The following MROH9 variants were observed in gnomAD, a reference collection of about 807,000 sequenced individuals.
MROH9 encodes the protein maestro heat-like repeat-containing protein family member 9.
Under a neutral mutation model 98.2 loss-of-function variants are expected in MROH9, and 92 were observed. The observed-to-expected ratio is 0.94, with a 90% CI of 0.79 to 1.11. MROH9 has a LOEUF of 1.11. MROH9 is among the 50% of genes most tolerant of loss of function. The pLI is 0.00. For missense variants in MROH9, 1,057 were observed against 1,014.8 expected, an observed-to-expected ratio of 1.04 and a Z score of -0.57; for synonymous variants, 397 against 368.9, an observed-to-expected ratio of 1.08 and a Z score of -0.87.
intron 15 of MROH9, chr1:170,998,683 A>C (rs28496733): frequency 0.12 from 127,119 of 1,084,590 alleles, 7,932 homozygotes; most frequent in African/African-American, 0.21. Context: ...AACTGGGTAA[A>C]ATGAAGATGT....
chr1:171,045,921 G>A (rs1334157986), intron 20 of MROH9, among the ~76,000 whole-genome samples: 2 of 152,050 alleles, frequency 1.3e-5, no homozygotes, highest in African/African-American at 2.4e-5. Context: ...TTATATTGAA[G>A]CCCATCTCTC....
intron 3 of MROH9, among the ~76,000 whole-genome samples, chr1:170,953,755 A>AAGAAAG (rs374788693): frequency 6.9e-6 from 1 of 144,992 alleles, no homozygotes; most frequent in Non-Finnish European, 1.5e-5. Context: ...AAGAAAAGAA[A>AAGAAAG]AGAAAGAGAA....
At chr1:171,022,676 T>A (rs1488471776) in intron 17 of MROH9, among the ~76,000 whole-genome samples, 2 of 151,854 alleles carry the variant, frequency 1.3e-5, no homozygotes, top group East Asian at 3.9e-4. Context: ...GATGATGGGG[T>A]GATAGGTGCA....
intron 3 of MROH9, among the ~76,000 whole-genome samples, chr1:170,951,293 G>A (rs1406211117): frequency 6.6e-6 from 1 of 152,074 alleles, no homozygotes. Context: ...GTCTCTACAG[G>A]AATAATAGGA....
At chr1:170,947,471 A>G in intron 2 of MROH9, 56 bp from the exon 3 acceptor site, 1 of 1,478,102 alleles carries the variant, frequency 6.8e-7, no homozygotes, top group Admixed American at 1.8e-5. Flanking sequence ...GGCCCCACTA[A>G]GATGATAGGA....
chr1:170,997,531 C>T lies in MROH9; in HGVS notation c.1476-623C>T, dbSNP rs919046461. The stretch of plus-strand genomic sequence containing the variant: ...ATATCCCAAGGGTGATCTGTTTGCA[C>T]GTTGCAGTTTGAGAAGCACTGGTTT... On this transcript the variant is annotated intron_variant, in intron 14 of 21. Transcript: ENST00000367759. Among the ~76,000 whole-genome samples the T allele has an allele frequency of 3.3e-5, 5 of 152,064 alleles. 1 individual carries two copies. The highest frequency in any genetic ancestry group is 7.4e-5 in the Non-Finnish European group (5 of 67,998).
chr1:171,014,139 A>G lies in MROH9; in HGVS notation c.1619A>G (p.Asp540Gly), dbSNP rs1397748001. Reference protein sequence around the residue: ...LTELLNNFFKDPLPEEFLVLF... With the variant: ...LTELLNNFFKGPLPEEFLVLF... ...CAGCTTCTGAATAACTTCTTCAAGG[A>G]CCCTTTACCAGAAGAATTTTTGGTC... The change falls in exon 16 of 22, where the codon GAC becomes GGC. Residue 540 changes from aspartate to glycine, a missense_variant. Physicochemically the swap from Asp to Gly is moderately conservative, Grantham distance 94. Transcript: ENST00000367759. 1.9e-5 allele frequency: 30 copies of G among 1,550,692 alleles called. No individual in the cohort carries two copies. The highest frequency in any genetic ancestry group is 2.5e-5 in the Non-Finnish European group (29 of 1,146,624).
intron 3 of MROH9, among the ~76,000 whole-genome samples, chr1:170,949,148 A>C (rs1287143036): frequency 6.6e-6 from 1 of 152,044 alleles, no homozygotes; most frequent in Non-Finnish European, 1.5e-5. Flanking sequence ...CATGTCAACT[A>C]GTCATTAGAT....
At position 171,064,134 on chromosome 1, in the gene MROH9, A is replaced by T; in HGVS notation, c.2380A>T (p.Ile794Phe). 3 of 1,550,468 alleles carry T rather than the reference A, an allele frequency of 1.9e-6. No homozygotes were observed. The highest frequency in any genetic ancestry group is 2.6e-6 in the Non-Finnish European group (3 of 1,146,756). The part of the protein sequence containing the change: ...ERLLRDEDPM[I>F]KQLAEITYDI... The stretch of plus-strand genomic sequence containing the variant: ...ACTGCTCCGAGATGAAGACCCTATG[A>T]TCAAACAGTTGGCTGAAATAACCTA... Residue 794 changes from isoleucine to phenylalanine, a missense_variant, in exon 22 of 22, where the codon ATC becomes TTC. Physicochemically the swap from Ile to Phe is conservative, Grantham distance 21 (BLOSUM62 0). Coordinates refer to ENST00000367759, the MANE Select transcript of MROH9 (RefSeq NM_001163629.2).
At chr1:170,956,556 T>C (rs1204433783) in intron 3 of MROH9, among the ~76,000 whole-genome samples, 1 of 151,482 alleles carries the variant, frequency 6.6e-6, no homozygotes, top group Non-Finnish European at 1.5e-5. Context: ...TATTCCTAAG[T>C]TGTTGTTGGT....
intron 20 of MROH9, among the ~76,000 whole-genome samples, chr1:171,058,358 A>G (rs1653913106): frequency 6.6e-6 from 1 of 152,088 alleles, no homozygotes; most frequent in Non-Finnish European, 1.5e-5. Context: ...AAAAAAAAAA[A>G]AAAGGAAAAA....
intron 1 of MROH9, among the ~76,000 whole-genome samples, chr1:170,942,014 C>A (rs1008328696): frequency 6.6e-6 from 1 of 152,122 alleles, no homozygotes; most frequent in Non-Finnish European, 1.5e-5. Flanking sequence ...CTGAGCTGCA[C>A]CATTAAATGC....
chr1:170,983,609 A>G, intron 9 of MROH9, 75 bp downstream of exon 9: 1 of 871,128 alleles, frequency 1.1e-6, no homozygotes, highest in Non-Finnish European at 1.8e-6. Context: ...TTATTTCAAC[A>G]AAGTTTATGT....
chr1:170,995,324 A>G, intron 12 of MROH9, 65 bp from the exon 13 acceptor site: 3 of 1,581,422 alleles, frequency 1.9e-6, no homozygotes, highest in Non-Finnish European at 2.6e-6. Flanking sequence ...TGCTCCCCTC[A>G]GTAAGGTTGA....
intron 3 of MROH9, among the ~76,000 whole-genome samples, chr1:170,957,447 T>C (rs1243867756): frequency 6.6e-6 from 1 of 152,214 alleles, no homozygotes; most frequent in East Asian, 1.9e-4. Context: ...CCATTGTGAA[T>C]TCTTGTCTCC....
In MROH9 at chr1:171,054,656, G is replaced by A. The variant is rs561318134; in HGVS notation, c.2282-7476G>A. Among the ~76,000 whole-genome samples the A allele has an allele frequency of 9.9e-5, 15 of 152,154 alleles. No individual in the cohort carries two copies. In the South Asian group the frequency reaches 2.9e-3, roughly 29 times the overall value. The stretch of plus-strand genomic sequence containing the variant: ...CATAATCTACAAGGAACTCAAATCA[G>A]CAAGAAAGAAACAATCCTATCAAAA... On this transcript the variant is annotated intron_variant, in intron 20 of 21. Transcript: ENST00000367759.
At chr1:171,058,024 C>A (rs963444231) in intron 20 of MROH9, among the ~76,000 whole-genome samples, 6 of 151,982 alleles carry the variant, frequency 3.9e-5, no homozygotes, top group African/African-American at 1.5e-4. Flanking sequence ...AAAGCATATT[C>A]AAATAGGAAG....
chr1:170,998,816 C>T (rs1186579922), intron 15 of MROH9: 1 of 885,430 alleles, frequency 1.1e-6, no homozygotes, highest in Non-Finnish European at 1.4e-6. Flanking sequence ...ATTATCAAAT[C>T]TAATTTTTTC....
chr1:170,955,162 G>A (rs1211340921), intron 3 of MROH9, among the ~76,000 whole-genome samples: 2 of 152,032 alleles, frequency 1.3e-5, no homozygotes, highest in Admixed American at 1.3e-4. Context: ...TTATGGCTGA[G>A]TAGTATTCCA....
Sources: allele counts gnomAD v4.1 joint callset (sites outside exome capture counted in the v4.1 genomes callset), GRCh38; gene constraint gnomAD v4.1.1; transcripts MANE v1.5; gene names NCBI Gene and HGNC (gene_info 2026-07-23, HGNC 2026-07-21).